VPS13B: variants seen among roughly 807,000 people sequenced by gnomAD.
VPS13B encodes vacuolar protein sorting 13 homolog B.
In VPS13B, 285 loss-of-function variants were observed where a neutral mutation model predicts 426.4. The observed-to-expected ratio is 0.67, with a 90% CI of 0.61 to 0.74. VPS13B has a LOEUF of 0.74. Ranked by LOEUF, VPS13B falls within the 30% of genes least tolerant of loss-of-function variation. VPS13B has a pLI of 0.00. For missense variants in VPS13B, 4,537 were observed against 4,782.6 expected (o/e 0.95, Z 1.51); for synonymous variants, 1,676 against 1,676.4 (o/e 1.00, Z 0.01).
chr8:99,633,378 G>A (rs950097133), intron 33 of VPS13B, among the ~76,000 whole-genome samples: 14 of 151,906 alleles, frequency 9.2e-5, no homozygotes, highest in African/African-American at 1.4e-4. Flanking sequence ...ATATAGGCTC[G>A]GTAAACTTTC....
intron 35 of VPS13B, among the ~76,000 whole-genome samples, chr8:99,667,987 A>C (rs1319518758): frequency 1.3e-5 from 2 of 152,086 alleles, no homozygotes; most frequent in Non-Finnish European, 2.9e-5. Context: ...AAAGCATTAC[A>C]AAAAAATAAT....
At chr8:99,029,522 G>A (rs988353405) in intron 2 of VPS13B, among the ~76,000 whole-genome samples, 1 of 152,120 alleles carries the variant, frequency 6.6e-6, no homozygotes, top group African/African-American at 2.4e-5. Context: ...CTGCAATCCC[G>A]GCACCTTGGG....
chr8:99,294,750 G>A (rs1819939792), intron 19 of VPS13B, among the ~76,000 whole-genome samples: 1 of 152,060 alleles, frequency 6.6e-6, no homozygotes, highest in African/African-American at 2.4e-5. Context: ...TGGTTGCAAT[G>A]CCAGATACTG....
intron 33 of VPS13B, among the ~76,000 whole-genome samples, chr8:99,590,700 AC>A (rs1235708490): frequency 6.6e-6 from 1 of 152,156 alleles, no homozygotes; most frequent in Non-Finnish European, 1.5e-5. Context: ...GGTCTGAGAA[AC>A]AGTTTGTTGT....
chr8:99,233,140 G>A (rs897528084), intron 17 of VPS13B: 5 of 1,381,654 alleles, frequency 3.6e-6, no homozygotes, highest in African/African-American at 2.8e-5. Flanking sequence ...GCGCTGTGCA[G>A]TCTGGCTAGC....
chr8:99,082,908 T>A (rs1845563072), intron 3 of VPS13B, among the ~76,000 whole-genome samples: 1 of 152,218 alleles, frequency 6.6e-6, no homozygotes, highest in Admixed American at 6.5e-5. Context: ...TGCCTCCAGC[T>A]TTGTTCTTTT....
At chr8:99,047,612 A>G (rs1292927941) in intron 3 of VPS13B, among the ~76,000 whole-genome samples, 2 of 151,806 alleles carry the variant, frequency 1.3e-5, no homozygotes, top group African/African-American at 4.8e-5. Context: ...TTGAGGTGTG[A>G]CTTTAGATCA....
intron 17 of VPS13B, among the ~76,000 whole-genome samples, chr8:99,270,129 A>ATTTTTTTTTTTTTTTTTT (rs1370378172): frequency 5.9e-5 from 1 of 16,826 alleles, no homozygotes; most frequent in Non-Finnish European, 1.5e-4. Flanking sequence ...AGATATAAGA[A>ATTTTTTTTTTTTTTTTTT]TCTTTTTTTT....
chr8:99,840,843 A>T (rs1298538689), intron 54 of VPS13B, among the ~76,000 whole-genome samples: 3 of 152,222 alleles, frequency 2.0e-5, no homozygotes, highest in Non-Finnish European at 4.4e-5. Flanking sequence ...AGGAATTTTT[A>T]TAAAGAAAAA....
intron 54 of VPS13B, among the ~76,000 whole-genome samples, chr8:99,843,159 C>T (rs970769468): frequency 2.0e-5 from 3 of 152,008 alleles, no homozygotes; most frequent in Non-Finnish European, 4.4e-5. Flanking sequence ...GACCCTCTCT[C>T]AAAAAATAAA....
At chr8:99,849,526 G>A (rs1816152935) in intron 55 of VPS13B, among the ~76,000 whole-genome samples, 1 of 152,180 alleles carries the variant, frequency 6.6e-6, no homozygotes, top group Admixed American at 6.5e-5. Context: ...CAGTCCTGGT[G>A]AAAGTATAAA....
intron 19 of VPS13B, among the ~76,000 whole-genome samples, chr8:99,376,522 T>C (rs1283007994): frequency 6.6e-6 from 1 of 152,202 alleles, no homozygotes; most frequent in Non-Finnish European, 1.5e-5. Flanking sequence ...TTTAACTTTT[T>C]AATTATAATA....
At chr8:99,867,899 A>G (rs762400974) in intron 58 of VPS13B, among the ~76,000 whole-genome samples, 26 of 152,352 alleles carry the variant, frequency 1.7e-4, no homozygotes, top group Middle Eastern at 3.4e-3. Flanking sequence ...CATCCTCATG[A>G]ATCAGTGCAA....
At chr8:99,301,324 G>C (rs1418216432) in intron 19 of VPS13B, among the ~76,000 whole-genome samples, 1 of 126,930 alleles carries the variant, frequency 7.9e-6, no homozygotes, top group Non-Finnish European at 1.6e-5. Context: ...ACTGAGTTTT[G>C]CTCTTGTTGC....
intron 44 of VPS13B, among the ~76,000 whole-genome samples, chr8:99,814,622 T>G (rs1813912577): frequency 1.3e-5 from 2 of 152,192 alleles, no homozygotes; most frequent in Admixed American, 1.3e-4. Flanking sequence ...GTTCCATGTT[T>G]ACCCTGATCG....
rs114063558 is a variant in VPS13B, at chr8:99,254,353, A to G, written c.2516-19845A>G. Among the ~76,000 whole-genome samples, 547 of 152,122 alleles carry G rather than the reference A, an allele frequency of 3.6e-3. 6 individuals are homozygous for G. Among genetic ancestry groups the G allele is most frequent in the African/African-American group, 0.012 (514 of 41,524 alleles). ...TACTTTTTTTTAAAGCAATTGAAAAATGTCATGCTATTTCCTCCTGGCCTC... is the reference window on the plus strand; with the variant it reads ...TACTTTTTTTTAAAGCAATTGAAAAGTGTCATGCTATTTCCTCCTGGCCTC... On this transcript the variant is annotated intron_variant, in intron 17 of 61. Transcript: ENST00000357162.
chr8:99,234,209 A>T, intron 17 of VPS13B: 2 of 777,092 alleles, frequency 2.6e-6, no homozygotes, highest in Non-Finnish European at 4.8e-6. Context: ...TCTCAAACTG[A>T]TGCCCGCTTA....
chr8:99,426,045 A>G lies in VPS13B; in HGVS notation c.3083-5492A>G, dbSNP rs1425908849. Among the ~76,000 whole-genome samples, 24 of 143,276 alleles carry G rather than the reference A, an allele frequency of 1.7e-4. No homozygotes were observed. In the East Asian group the frequency reaches 3.4e-3, roughly 20 times the overall value. The allele number at this position is 143,276 out of a possible 152,430, so 94.0% of individuals were successfully genotyped here. ...CATCTAGCATTAGGTATATCTACCA[A>G]TGCTATCCCTCCCCCCCTCCCCCCA... On this transcript the variant is annotated intron_variant, in intron 21 of 61. Transcript: ENST00000357162.
At chr8:99,446,450 G>A (rs769039016) in intron 23 of VPS13B, among the ~76,000 whole-genome samples, 5 of 151,852 alleles carry the variant, frequency 3.3e-5, no homozygotes, top group African/African-American at 7.3e-5. Context: ...TTTAATATTC[G>A]AATCTTATGA....
Sources: gnomAD v4.1 joint callset for allele counts (sites outside exome capture counted in the v4.1 genomes callset) on GRCh38, gnomAD v4.1.1 for gene constraint, MANE v1.5 for transcripts, NCBI Gene and HGNC (gene_info 2026-07-23, HGNC 2026-07-21) for gene names.